SPICE1: variants seen among roughly 807,000 people sequenced by gnomAD.
SPICE1 encodes the protein spindle and centriole associated protein 1.
In SPICE1, 75 loss-of-function variants were observed where a neutral mutation model predicts 102.7. The ratio of observed to expected loss-of-function variants is 0.73; its 90% CI spans 0.61 to 0.88. The LOEUF (loss-of-function observed/expected upper bound fraction) is 0.88, where lower values mean the gene tolerates loss of function less well. SPICE1 is among the 40% of genes least tolerant of loss of function. The pLI is 0.00. For synonymous variants in SPICE1, 308 were observed against 350.3 expected, an observed-to-expected ratio of 0.88 and a Z score of 1.35; for missense variants, 979 against 1,020.1, an observed-to-expected ratio of 0.96 and a Z score of 0.55.
intron 6 of SPICE1, among the ~76,000 whole-genome samples, chr3:113,492,746 G>C (rs1049778854): frequency 2.0e-5 from 3 of 152,044 alleles, no homozygotes; most frequent in Non-Finnish European, 2.9e-5. Context: ...CACATTCTGA[G>C]CCCACCCAGA....
At position 113,494,061 on chromosome 3, in the gene SPICE1, G is replaced by C. The variant is rs778332844; in HGVS notation, c.373C>G (p.Arg125Gly). The change falls in exon 5 of 18, where the codon CGT becomes GGT. Residue 125 changes from arginine to glycine, a missense_variant. Physicochemically the swap from Arg to Gly is moderately radical, Grantham distance 125. Transcript: ENST00000295872. ...TTGAATTGAATACCTGTGCGCCTAC[G>C]AGGAAACAGCTCTTTTGCTGCAGCT... ...LIAAAKELFP[R>G]RRTGFPNVTV... 2 of 1,610,300 alleles carry C rather than the reference G, an allele frequency of 1.2e-6. No homozygotes were observed. The highest frequency in any genetic ancestry group is 3.4e-5 in the Admixed American group (2 of 59,668).
chr3:113,499,518 T>G lies in SPICE1; in HGVS notation c.212A>C (p.Lys71Thr), dbSNP rs781663368. Residue 71 changes from lysine to threonine, a missense_variant, in exon 4 of 18, where the codon AAA becomes ACA. By Grantham distance (78) the Lys-to-Thr change is moderately conservative. Transcript: ENST00000295872. The stretch of plus-strand genomic sequence containing the variant: ...CTTCCTCCATTTTCTCTTCAAAGCT[T>G]TTTCTTGGAGTTCCCAGTGTACTAA... Reference protein sequence around the residue: ...RALVHWELQEKALKRKWRKQK... With the variant: ...RALVHWELQETALKRKWRKQK... 1.2e-6 allele frequency: 2 copies of G among 1,613,442 alleles called. No homozygotes were observed. The highest frequency in any genetic ancestry group is 3.3e-5 in the Admixed American group (2 of 59,982).
At chr3:113,478,814 T>C (rs1936422614) in intron 7 of SPICE1, among the ~76,000 whole-genome samples, 1 of 152,050 alleles carries the variant, frequency 6.6e-6, no homozygotes, top group African/African-American at 2.4e-5. Flanking sequence ...GGCACACACA[T>C]GGAACATTTG....
chr3:113,451,346 A>T (rs918581149), intron 14 of SPICE1, among the ~76,000 whole-genome samples: 1 of 152,140 alleles, frequency 6.6e-6, no homozygotes, highest in East Asian at 1.9e-4. Flanking sequence ...TGCTTATGTC[A>T]TTCCTAATTA....
intron 4 of SPICE1, among the ~76,000 whole-genome samples, chr3:113,496,059 C>CTTTTTTTTTTTTTTTTTT (rs10557473): frequency 3.6e-5 from 3 of 82,936 alleles, no homozygotes; most frequent in Non-Finnish European, 4.6e-5. Context: ...TTTTTTACAA[C>CTTTTTTTTTTTTTTTTTT]TTTTTTTTTT....
At chr3:113,450,964 A>G (rs1362494248) in intron 14 of SPICE1, among the ~76,000 whole-genome samples, 1 of 152,202 alleles carries the variant, frequency 6.6e-6, no homozygotes, top group Non-Finnish European at 1.5e-5. Flanking sequence ...GCTTTTCTGT[A>G]TCTCTTAGTA....
chr3:113,499,359 C>T (rs6798938), intron 4 of SPICE1, 80 bp downstream of exon 4: 269,260 of 1,442,136 alleles, frequency 0.19, 26,328 homozygotes, highest in African/African-American at 0.3. Context: ...GTCTCTCCAA[C>T]GTGAATCAAA....
intron 11 of SPICE1, among the ~76,000 whole-genome samples, chr3:113,461,794 A>G (rs1935939747): frequency 6.6e-6 from 1 of 152,252 alleles, no homozygotes; most frequent in Non-Finnish European, 1.5e-5. Flanking sequence ...GACATTTGAT[A>G]AAAGTCAGGT....
rs573755117 is a variant in SPICE1, at chr3:113,465,211, G to A, written c.1287+442C>T. Among the ~76,000 whole-genome samples the A allele has an allele frequency of 5.3e-5, 8 of 152,196 alleles. No homozygotes were observed. In the South Asian group the frequency reaches 1.7e-3, roughly 32 times the overall value. On this transcript the variant is annotated intron_variant, in intron 11 of 17. Coordinates refer to ENST00000295872, the MANE Select transcript of SPICE1 (RefSeq NM_144718.4). ...TTTTAAAAAAGAAAAGGAGCAATTA[G>A]TCAAGCAGCAAAGAGGACTTTATGT...
At chr3:113,461,029 C>G (rs1366817430) in intron 11 of SPICE1, among the ~76,000 whole-genome samples, 1 of 150,898 alleles carries the variant, frequency 6.6e-6, no homozygotes, top group Admixed American at 6.6e-5. Context: ...TAATAAATAC[C>G]CTGCTATAAC....
chr3:113,479,493 T>TA (rs1288457569), intron 7 of SPICE1, among the ~76,000 whole-genome samples: 1 of 151,888 alleles, frequency 6.6e-6, no homozygotes, highest in Non-Finnish European at 1.5e-5. Flanking sequence ...ATATACCCAG[T>TA]AATGGGATGG....
intron 7 of SPICE1, among the ~76,000 whole-genome samples, chr3:113,476,891 T>C (rs1197043826): frequency 6.6e-6 from 1 of 152,050 alleles, no homozygotes; most frequent in Admixed American, 6.6e-5. Context: ...ACTTCATGTC[T>C]AAAACACCAA....
rs192237294 is a variant in SPICE1 at position 113,493,793 on chromosome 3, A to G, written c.385+256T>C. ...ACATTTTAAAATTACAAAATCCTGT[A>G]CTTTACACCATATTTTAGTAGATTA... On this transcript the variant is annotated intron_variant, in intron 5 of 17. Transcript: ENST00000295872. Among the ~76,000 whole-genome samples the G allele has an allele frequency of 2.0e-5, 3 of 152,348 alleles. No individual in the cohort carries two copies. The East Asian group carries it at 5.8e-4, about 29-fold the overall frequency.
chr3:113,504,709 T>G (rs1937075641), intron 2 of SPICE1, among the ~76,000 whole-genome samples: 1 of 152,150 alleles, frequency 6.6e-6, no homozygotes, highest in South Asian at 2.1e-4. Flanking sequence ...TTTGTTCTCA[T>G]GGAAGAAAAT....
rs35248720 is a variant in SPICE1 at position 113,502,662 on chromosome 3, T to TA, written c.147+517dup. Reference sequence around the variant, plus strand: ...ATGTGAACTATATCTCAATAAATCTTAAAAAAAAAAAAAAAAAAAAAACCT... The same window carrying TA: ...ATGTGAACTATATCTCAATAAATCTTAAAAAAAAAAAAAAAAAAAAAAACCT... On this transcript the variant is annotated intron_variant, in intron 3 of 17. Transcript: ENST00000295872. Among the ~76,000 whole-genome samples, 771 of 87,168 alleles carry TA rather than the reference T, an allele frequency of 8.8e-3. 4 individuals carry two copies. The highest frequency in any genetic ancestry group is 0.019 in the Middle Eastern group (2 of 108). The allele number at this position is 87,168 out of a possible 152,430, so 57.2% of individuals were successfully genotyped here.
intron 13 of SPICE1, among the ~76,000 whole-genome samples, chr3:113,456,471 C>CAATAA (rs1460334116): frequency 6.6e-6 from 1 of 152,100 alleles, no homozygotes; most frequent in African/African-American, 2.4e-5. Context: ...AAAAAATGTA[C>CAATAA]ATGGGGACAA....
At chr3:113,474,138 T>C (rs1936278689) in intron 7 of SPICE1, among the ~76,000 whole-genome samples, 2 of 151,472 alleles carry the variant, frequency 1.3e-5, no homozygotes, top group South Asian at 4.2e-4. Flanking sequence ...GTTGCAATCC[T>C]AGTCTCTGAT....
intron 6 of SPICE1, 115 bp from the exon 7 acceptor site, chr3:113,489,178 T>C (rs948709862): frequency 1.4e-5 from 9 of 631,222 alleles, no homozygotes; most frequent in African/African-American, 3.7e-5. Context: ...CCTCCACATG[T>C]TGTAGAACAC....
chr3:113,478,388 T>G (rs775131043), intron 7 of SPICE1, among the ~76,000 whole-genome samples: 4 of 152,054 alleles, frequency 2.6e-5, no homozygotes, highest in Non-Finnish European at 5.9e-5. Context: ...AAAGCCAAGA[T>G]AAGCCAGGAA....
Sources: gnomAD v4.1 joint callset for allele counts (sites outside exome capture counted in the v4.1 genomes callset) on GRCh38, gnomAD v4.1.1 for gene constraint, MANE v1.5 for transcripts, NCBI Gene and HGNC (gene_info 2026-07-23, HGNC 2026-07-21) for gene names.